The following PSD variants were observed in gnomAD, a reference collection of about 807,000 sequenced individuals.
The protein encoded by PSD is pleckstrin and Sec7 domain containing, also known as PH and SEC7 domain-containing protein 1.
A neutral mutation model predicts 91.6 loss-of-function variants in PSD; 32 were observed. The ratio of observed to expected loss-of-function variants is 0.35; its 90% CI spans 0.26 to 0.47. The LOEUF is 0.47. Ranked by LOEUF, PSD falls within the 20% of genes least tolerant of loss-of-function variation. PSD has a pLI of 1.00. For missense variants in PSD, 1,099 were observed against 1,373.9 expected (o/e 0.80, Z 3.16); for synonymous variants, 532 against 569.3 (o/e 0.93, Z 0.93).
intron 8 of PSD, among the ~76,000 whole-genome samples, chr10:102,411,415 A>C (rs900606801): frequency 1.3e-5 from 2 of 152,154 alleles, no homozygotes; most frequent in African/African-American, 4.8e-5. Flanking sequence ...CCTGTAGACC[A>C]GTGCAGCCAA....
At position 102,412,799 on chromosome 10, in the gene PSD, G is replaced by A. The variant is rs576720893; in HGVS notation, c.1554-224C>T. Among the ~76,000 whole-genome samples, 26 of 152,234 alleles carry A rather than the reference G, an allele frequency of 1.7e-4. No homozygotes were observed. The East Asian group carries it at 4.2e-3, about 25-fold the overall frequency. On this transcript the variant is annotated intron_variant, in intron 5 of 16. Coordinates refer to ENST00000020673, the MANE Select transcript of PSD (RefSeq NM_002779.5). ...CCTGCCTCAAATCTAACCCACATCC[G>A]TCTTGCTGCTGTGGGAGTTCTGGCT... is the stretch of plus-strand genomic sequence containing the variant.
chr10:102,403,727 C>T lies in PSD; in HGVS notation c.2844+115G>A. ...TGTTGCACAGAGGAGGAAACTGAGG[C>T]TTAGGTTAAGCAACCTGCCCAAGGA... is the stretch of plus-strand genomic sequence containing the variant. On this transcript the variant is annotated intron_variant, in intron 16 of 16. Transcript: ENST00000020673. The surrounding 1 kb of genome is among the most constrained non-coding windows in gnomAD (Gnocchi z 6.7). 1 of 1,363,626 alleles carries T rather than the reference C, an allele frequency of 7.3e-7. No individual in the cohort carries two copies. The highest frequency in any genetic ancestry group is 1.5e-5 in the South Asian group (1 of 68,224). The allele number at this position is 1,363,626 out of a possible 1,614,324, so 84.5% of individuals were successfully genotyped here.
At chr10:102,408,504 T>G (rs914288785) in intron 10 of PSD, among the ~76,000 whole-genome samples, 3 of 151,522 alleles carry the variant, frequency 2.0e-5, no homozygotes, top group African/African-American at 7.3e-5. Context: ...GCTCAGACCC[T>G]TAACCCTCAC....
chr10:102,415,430 T>C (rs972953166), intron 3 of PSD, among the ~76,000 whole-genome samples: 1 of 152,240 alleles, frequency 6.6e-6, no homozygotes, highest in African/African-American at 2.4e-5. Context: ...CAAATGGCTT[T>C]GAGGAGCTGG....
At chr10:102,418,002 C>T (rs142721893) in intron 1 of PSD, among the ~76,000 whole-genome samples, 1 of 152,184 alleles carries the variant, frequency 6.6e-6, no homozygotes, top group Non-Finnish European at 1.5e-5. Flanking sequence ...AGCCACCGCA[C>T]CCGGCCAGGG....
Position 102,416,129 on chromosome 10 carries a change from C to A in PSD, c.655-10G>T, listed in dbSNP as rs773587512. 6.3e-7 allele frequency: 1 copy of A among 1,598,252 alleles called. No individual in the cohort carries two copies. Among genetic ancestry groups the A allele is most frequent in the Non-Finnish European group, 8.6e-7 (1 of 1,167,322 alleles). On this transcript the variant is annotated splice_polypyrimidine_tract_variant and intron_variant, in intron 2 of 16. Transcript: ENST00000020673. The surrounding 1 kb of genome is among the most constrained non-coding windows in gnomAD (Gnocchi z 6.0). ...AGGACCAGGTATCCCCCTGAGCCAACGAGGGAGACACAGGCACCCAGAGAT... is the reference window on the plus strand; with the variant it reads ...AGGACCAGGTATCCCCCTGAGCCAAAGAGGGAGACACAGGCACCCAGAGAT...
chr10:102,418,582 C>A, intron 1 of PSD, 119 bp downstream of exon 1: 2 of 386,070 alleles, frequency 5.2e-6, no homozygotes, highest in East Asian at 1.6e-4. Flanking sequence ...CCTCTGGTGG[C>A]AATGCAGGGG....
At position 102,416,317 on chromosome 10, in the gene PSD, A is replaced by G. The variant is rs2061479773; in HGVS notation, c.654+68T>C. On this transcript the variant is annotated intron_variant, in intron 2 of 16. Transcript: ENST00000020673. The surrounding 1 kb of genome is among the most constrained non-coding windows in gnomAD (Gnocchi z 6.0). ...TTCAGAGTGAACAGCAGACAAGCCC[A>G]TGTCTGACAGGAGGCTGAGCCTTGC... 1 of 1,506,868 alleles carries G rather than the reference A, an allele frequency of 6.6e-7. No individual in the cohort carries two copies. Among genetic ancestry groups the G allele is most frequent in the South Asian group, 1.2e-5 (1 of 81,954 alleles). 93.3% of individuals were successfully genotyped at this position (1,506,868 alleles called of 1,614,324 possible).
chr10:102,410,770 C>T lies in PSD; in HGVS notation c.2091+88G>A. 2.0e-6 allele frequency: 2 copies of T among 1,013,704 alleles called. No individual in the cohort carries two copies. Among genetic ancestry groups the T allele is most frequent in the Non-Finnish European group, 3.1e-6 (2 of 645,592 alleles). The allele number at this position is 1,013,704 out of a possible 1,614,324, so 62.8% of individuals were successfully genotyped here. On this transcript the variant is annotated intron_variant, in intron 10 of 16. Coordinates refer to ENST00000020673, the MANE Select transcript of PSD (RefSeq NM_002779.5). The surrounding 1 kb of genome is among the most constrained non-coding windows in gnomAD (Gnocchi z 6.0). ...GAGCCGGGGGTCGGCAAGCCCCAGC[C>T]CTGCCCTCCCTCCGACTCTGGACTC...
In PSD at chr10:102,404,670, G is replaced by A; in HGVS notation, c.2613C>T (p.Phe871=). ...CAGCAGCTGGGAAGGGGGGCGCAGAGAACATAGCGGCTACTACATTGATGC... is the reference window on the plus strand; with the variant it reads ...CAGCAGCTGGGAAGGGGGGCGCAGAAAACATAGCGGCTACTACATTGATGC... ...ITRINVVAAM[F]SAPPFPAAVS... Residue 871 remains phenylalanine, a synonymous_variant, in exon 15 of 17, where the codon TTC becomes TTT. Coordinates refer to ENST00000020673, the MANE Select transcript of PSD (RefSeq NM_002779.5). This position sits in a 1 kb window ranked among gnomAD's most constrained non-coding sequence, Gnocchi z 5.7. The A allele has an allele frequency of 6.2e-7, 1 of 1,610,008 alleles. No homozygotes were observed. Among genetic ancestry groups the A allele is most frequent in the Non-Finnish European group, 8.5e-7 (1 of 1,177,854 alleles).
Position 102,413,967 on chromosome 10 carries a change from C to G in PSD, c.1355G>C (p.Arg452Pro). The change falls in exon 5 of 17, where the codon CGG becomes CCG. Residue 452 changes from arginine to proline, a missense_variant. Transcript: ENST00000020673. ...TGGGGCGGGAGCTGGTGGGTCGGGC[C>G]GGGGTGCAGGGGGTTGGGGAGGCAG... is the stretch of plus-strand genomic sequence containing the variant. ...FELPPQPPAP[R>P]PDPPAPAPLA... 1 of 1,399,522 alleles carries G rather than the reference C, an allele frequency of 7.1e-7. No individual in the cohort carries two copies. Among genetic ancestry groups the G allele is most frequent in the Non-Finnish European group, 9.7e-7 (1 of 1,030,780 alleles). The allele number at this position is 1,399,522 out of a possible 1,614,324, so 86.7% of individuals were successfully genotyped here.
chr10:102,419,017 AC>A (rs2061523305), upstream of PSD: 1 of 302,784 alleles, frequency 3.3e-6, no homozygotes, highest in East Asian at 9.4e-5. The surrounding 1 kb of genome is among the most constrained non-coding windows in gnomAD (Gnocchi z 4.8). Flanking sequence ...CACGTGCCCC[AC>A]CCCACTTGTG....
rs376422611 is a variant in PSD, at chr10:102,405,951, C to T, written c.2136-415G>A. On this transcript the variant is annotated intron_variant, in intron 11 of 16. Transcript: ENST00000020673. This position sits in a 1 kb window ranked among gnomAD's most constrained non-coding sequence, Gnocchi z 5.4. ...GATGGAAGAAGTAGTTTCCTAGTGC[C>T]GCCCCCACCCCAACCCCATACATCC... 1.4e-4 allele frequency: 26 copies of T among 180,734 alleles called. No individual in the cohort carries two copies. Among genetic ancestry groups the T allele is most frequent in the Middle Eastern group, 2.6e-3 (1 of 390 alleles). The allele number at this position is 180,734 out of a possible 1,614,324, so 11.2% of individuals were successfully genotyped here.
intron 1 of PSD, 84 bp downstream of exon 1, chr10:102,418,617 C>A (rs2061514236): frequency 6.9e-6 from 3 of 434,112 alleles, no homozygotes; most frequent in Admixed American, 2.4e-5. Flanking sequence ...GGAGTAGCAA[C>A]CCTGCCAGGC....
Position 102,410,519 on chromosome 10 carries a change from C to T in PSD, c.2091+339G>A, listed in dbSNP as rs1186602766. 6.6e-6 allele frequency among the ~76,000 whole-genome samples: 1 copy of T among 152,166 alleles called. No homozygotes were observed. The highest frequency in any genetic ancestry group is 2.4e-5 in the African/African-American group (1 of 41,438). On this transcript the variant is annotated intron_variant, in intron 10 of 16. Transcript: ENST00000020673. The surrounding 1 kb of genome is among the most constrained non-coding windows in gnomAD (Gnocchi z 6.0). The stretch of plus-strand genomic sequence containing the variant: ...CCAATCCCTGTCCCGTGCAGGGACC[C>T]CCGCAACTCCCGCCTTCCACCCCAG...
At position 102,403,325 on chromosome 10, in the gene PSD, C is replaced by T. The variant is rs368823751; in HGVS notation, c.2950G>A (p.Glu984Lys). The change falls in exon 17 of 17, where the codon GAG (glutamate) becomes AAG (lysine). Residue 984 changes from glutamate to lysine, a missense_variant. Physicochemically the swap from Glu to Lys is moderately conservative, Grantham distance 56 (BLOSUM62 1). Coordinates refer to ENST00000020673, the MANE Select transcript of PSD (RefSeq NM_002779.5). The surrounding 1 kb of genome is among the most constrained non-coding windows in gnomAD (Gnocchi z 6.7). ...EAALAQAGST[E>K]DGLPPSHSSP... The stretch of plus-strand genomic sequence containing the variant: ...GAGTGAGAAGGAGGGAGTCCATCCT[C>T]TGTGCTCCCGGCCTGGGCCAGTGCT... 89 of 1,614,034 alleles carry T rather than the reference C, an allele frequency of 5.5e-5. No homozygotes were observed. The highest frequency in any genetic ancestry group is 3.3e-5 in the Admixed American group (2 of 60,008).
rs1173071104 is a variant in PSD at position 102,414,429 on chromosome 10, T to C, written c.1125-232A>G. Among the ~76,000 whole-genome samples, 1 of 149,978 alleles carries C rather than the reference T, an allele frequency of 6.7e-6. No individual in the cohort carries two copies. The highest frequency in any genetic ancestry group is 6.6e-5 in the Admixed American group (1 of 15,122). The stretch of plus-strand genomic sequence containing the variant: ...CCCATCCCCTCCCTCCCTGCTAATC[T>C]CCCTTTCTCCTCCTTTTCCGTGATC... On this transcript the variant is annotated intron_variant, in intron 4 of 16. Coordinates refer to ENST00000020673, the MANE Select transcript of PSD (RefSeq NM_002779.5). The surrounding 1 kb of genome is among the most constrained non-coding windows in gnomAD (Gnocchi z 5.6).
Position 102,414,195 on chromosome 10 carries a change from G to A in PSD, c.1127C>T (p.Pro376Leu), listed in dbSNP as rs1565226964. 6.2e-7 allele frequency: 1 copy of A among 1,600,412 alleles called. No individual in the cohort carries two copies. The highest frequency in any genetic ancestry group is 2.2e-5 in the East Asian group (1 of 44,730). The change falls in exon 5 of 17, where the codon CCA becomes CTA. Residue 376 changes from proline to leucine, a missense_variant and splice_region_variant. By Grantham distance (98) the Pro-to-Leu change is moderately conservative. Transcript: ENST00000020673. This position sits in a 1 kb window ranked among gnomAD's most constrained non-coding sequence, Gnocchi z 5.6. Reference sequence around the variant, plus strand: ...TGACTTGAGAGGCATCCGGCTCCCTGGCCTGCAGGGGCAGGGAGAATCTCT... The same window carrying A: ...TGACTTGAGAGGCATCCGGCTCCCTAGCCTGCAGGGGCAGGGAGAATCTCT... ...EVFEASEGAR[P>L]GSRMPLKSPV... is the part of the protein sequence containing the mutation.
In PSD at chr10:102,404,010, C is replaced by A; in HGVS notation, c.2701-25G>T. 1 of 1,537,066 alleles carries A rather than the reference C, an allele frequency of 6.5e-7. No individual in the cohort carries two copies. The highest frequency in any genetic ancestry group is 1.2e-5 in the South Asian group (1 of 83,836). On this transcript the variant is annotated intron_variant, in intron 15 of 16. Transcript: ENST00000020673. The surrounding 1 kb of genome is among the most constrained non-coding windows in gnomAD (Gnocchi z 5.7). ...CCTAGCGGCCAGGGGGAGGCATGGTCATGGTCACTCTGCCCTATACAGTGC... is the reference window on the plus strand; with the variant it reads ...CCTAGCGGCCAGGGGGAGGCATGGTAATGGTCACTCTGCCCTATACAGTGC...
Sources: gnomAD v4.1 joint callset for allele counts (sites outside exome capture counted in the v4.1 genomes callset) on GRCh38, gnomAD v4.1.1 for gene constraint, Gnocchi (gnomAD v3.1) non-coding constraint, MANE v1.5 for transcripts, NCBI Gene and HGNC (gene_info 2026-07-23, HGNC 2026-07-21) for gene names.